TMOD1: variants seen among roughly 807,000 people sequenced by gnomAD.
The protein encoded by TMOD1 is tropomodulin-1.
In TMOD1, 17 loss-of-function variants were observed where a neutral mutation model predicts 40.6. That is an observed-to-expected ratio of 0.42 (90% CI 0.29 to 0.63). The LOEUF is 0.63. TMOD1 is among the 20% of genes least tolerant of loss of function. TMOD1 has a pLI of 0.22. For synonymous variants in TMOD1, 181 were observed against 175.0 expected, an observed-to-expected ratio of 1.03 and a Z score of -0.27; for missense variants, 391 against 447.6, an observed-to-expected ratio of 0.87 and a Z score of 1.14.
intron 1 of TMOD1, among the ~76,000 whole-genome samples, chr9:97,521,795 C>A (rs1829920989): frequency 6.6e-6 from 1 of 152,174 alleles, no homozygotes. Flanking sequence ...ACTTGGATTT[C>A]TCCTGCAAAT....
chr9:97,567,192 G>T (rs1465017670), intron 7 of TMOD1, among the ~76,000 whole-genome samples: 1 of 152,188 alleles, frequency 6.6e-6, no homozygotes, highest in Admixed American at 6.5e-5. Context: ...GATCTCCATG[G>T]TTCCTTGCCC....
chr9:97,582,494 G>A (rs1457103725), intron 8 of TMOD1, among the ~76,000 whole-genome samples: 2 of 145,064 alleles, frequency 1.4e-5, no homozygotes, highest in African/African-American at 5.3e-5. Context: ...CTCTTTTTTG[G>A]TTCCATATGA....
chr9:97,538,469 C>CA (rs11358222), intron 2 of TMOD1, among the ~76,000 whole-genome samples: 40 of 149,238 alleles, frequency 2.7e-4, no homozygotes, highest in Non-Finnish European at 5.1e-4. Context: ...GAACTAACTA[C>CA]AAAAAAAAAA....
chr9:97,530,448 G>A (rs2131228521), intron 2 of TMOD1, among the ~76,000 whole-genome samples: 1 of 151,164 alleles, frequency 6.6e-6, no homozygotes, highest in East Asian at 1.9e-4. Context: ...CAGACCCTCT[G>A]CAAAGCCTGA....
Position 97,601,578 on chromosome 9 carries a change from C to T in TMOD1, c.*1880C>T, listed in dbSNP as rs1388024602. 1 of 987,634 alleles carries T rather than the reference C, an allele frequency of 1.0e-6. No homozygotes were observed. Among genetic ancestry groups the T allele is most frequent in the Non-Finnish European group, 1.2e-6 (1 of 831,476 alleles). The allele number at this position is 987,634 out of a possible 1,614,324, so 61.2% of individuals were successfully genotyped here. The stretch of plus-strand genomic sequence containing the variant: ...ACCTCTGCCTCTATCAGATGAGCTG[C>T]TGGTCTAGATCAGGGGCTGGCAAAC... On this transcript the variant is annotated 3_prime_UTR_variant, in exon 10 of 10. Transcript: ENST00000259365.
At chr9:97,520,699 T>G (rs973985107) in intron 1 of TMOD1, among the ~76,000 whole-genome samples, 1 of 152,356 alleles carries the variant, frequency 6.6e-6, no homozygotes, top group African/African-American at 2.4e-5. Context: ...CAATAGCACC[T>G]TGGGGTGTGT....
chr9:97,549,471 A>G (rs1830415622), intron 3 of TMOD1, among the ~76,000 whole-genome samples: 1 of 152,176 alleles, frequency 6.6e-6, no homozygotes, highest in South Asian at 2.1e-4. Context: ...TTTATTGAAT[A>G]TTCATCTCAG....
intron 2 of TMOD1, among the ~76,000 whole-genome samples, chr9:97,533,113 G>A (rs1362464996): frequency 6.6e-6 from 1 of 152,188 alleles, no homozygotes; most frequent in Non-Finnish European, 1.5e-5. Flanking sequence ...AAATGTATAA[G>A]CTCCTTATTT....
chr9:97,549,681 T>C (rs1830418233), intron 3 of TMOD1, among the ~76,000 whole-genome samples: 1 of 152,194 alleles, frequency 6.6e-6, no homozygotes, highest in Non-Finnish European at 1.5e-5. Context: ...ATAAAGCTAA[T>C]TGATTCACAA....
chr9:97,573,407 G>T (rs1830852477), intron 8 of TMOD1, among the ~76,000 whole-genome samples: 1 of 152,248 alleles, frequency 6.6e-6, no homozygotes, highest in South Asian at 2.1e-4. Flanking sequence ...AGAAGTTAAA[G>T]TAGATGGATT....
intron 1 of TMOD1, among the ~76,000 whole-genome samples, chr9:97,507,877 G>C (rs1829614444): frequency 6.6e-6 from 1 of 152,120 alleles, no homozygotes; most frequent in African/African-American, 2.4e-5. Context: ...CCAATCCTCA[G>C]TATATTGTCA....
At chr9:97,574,995 T>TG (rs1313031968) in intron 8 of TMOD1, among the ~76,000 whole-genome samples, 2 of 152,078 alleles carry the variant, frequency 1.3e-5, no homozygotes, top group African/African-American at 2.4e-5. Flanking sequence ...AGGATATGGG[T>TG]GGGGCCAGAT....
chr9:97,542,122 A>G (rs1405007073), intron 2 of TMOD1, among the ~76,000 whole-genome samples: 1 of 152,174 alleles, frequency 6.6e-6, no homozygotes, highest in Admixed American at 6.5e-5. Flanking sequence ...TCTTATATCT[A>G]GGTCTTTGAT....
At chr9:97,584,778 G>T (rs12682732) in intron 8 of TMOD1, among the ~76,000 whole-genome samples, 4,925 of 152,090 alleles carry the variant, frequency 0.032, 99 homozygotes, top group Non-Finnish European at 0.05. Flanking sequence ...TCTCTTTTGA[G>T]CTTTGTTGGT....
At chr9:97,582,093 A>G (rs1181457185) in intron 8 of TMOD1, among the ~76,000 whole-genome samples, 1 of 152,144 alleles carries the variant, frequency 6.6e-6, no homozygotes, top group Non-Finnish European at 1.5e-5. Context: ...CTGAATGGTA[A>G]TTTAGCCTAG....
chr9:97,591,455 C>T lies in TMOD1; in HGVS notation c.1015+20C>T. On this transcript the variant is annotated intron_variant, in intron 9 of 9. Coordinates refer to ENST00000259365, the MANE Select transcript of TMOD1 (RefSeq NM_003275.4). ...ACCTTGGTGAGTAGAAATATGCTTC[C>T]TGCCCTGCCCGCAGTCCTGTTATTC... is the stretch of plus-strand genomic sequence containing the variant. The T allele has an allele frequency of 6.2e-7, 1 of 1,611,244 alleles. No homozygotes were observed. Among genetic ancestry groups the T allele is most frequent in the Non-Finnish European group, 8.5e-7 (1 of 1,178,316 alleles).
At chr9:97,559,771 TTAAAAAAA>T (rs1377770902) in intron 4 of TMOD1, among the ~76,000 whole-genome samples, 884 of 63,082 alleles carry the variant, frequency 0.014, 24 homozygotes, top group South Asian at 0.026. Flanking sequence ...CCTCAAAAAT[TTAAAAAAA>T]AAAAAAAAAA....
chr9:97,577,938 C>T (rs1317357678), intron 8 of TMOD1, among the ~76,000 whole-genome samples: 1 of 152,142 alleles, frequency 6.6e-6, no homozygotes, highest in African/African-American at 2.4e-5. Flanking sequence ...AAAAATAAGT[C>T]AGAGAACTGG....
chr9:97,524,799 C>T (rs1333061232), intron 2 of TMOD1, among the ~76,000 whole-genome samples: 4 of 152,102 alleles, frequency 2.6e-5, no homozygotes, highest in Non-Finnish European at 4.4e-5. Flanking sequence ...TTTCCGCTTA[C>T]TTGGAGGAGG....
Sources: allele counts gnomAD v4.1 joint callset (sites outside exome capture counted in the v4.1 genomes callset), GRCh38; gene constraint gnomAD v4.1.1; transcripts MANE v1.5; gene names NCBI Gene and HGNC (gene_info 2026-07-23, HGNC 2026-07-21).